The following CLCN3 variants were observed in gnomAD, a reference collection of about 807,000 sequenced individuals.
CLCN3 encodes the protein H(+)/Cl(-) exchange transporter 3.
A neutral mutation model predicts 83.4 loss-of-function variants in CLCN3; 16 were observed. The ratio of observed to expected loss-of-function variants is 0.19; its 90% CI spans 0.13 to 0.29. The LOEUF (loss-of-function observed/expected upper bound fraction) is 0.29, where lower values mean the gene tolerates loss of function less well. Among genes scored for constraint, CLCN3 ranks in the 10% least tolerant of loss-of-function variants. The probability of loss-of-function intolerance (pLI) is 1.00; values close to 1 mark genes in which losing one functional copy is unlikely to be tolerated. For synonymous variants in CLCN3, 322 were observed against 346.2 expected, an observed-to-expected ratio of 0.93 and a Z score of 0.78; for missense variants, 544 against 1,006.0, an observed-to-expected ratio of 0.54 and a Z score of 6.21.
At chr4:169,684,475 T>C (rs575640398) in intron 3 of CLCN3, among the ~76,000 whole-genome samples, 161 of 152,354 alleles carry the variant, frequency 1.1e-3, no homozygotes, top group African/African-American at 3.8e-3. Context: ...TTGATGTTCA[T>C]GTTATTTTAG....
intron 12 of CLCN3, chr4:169,717,749 A>G: frequency 7.7e-7 from 1 of 1,293,702 alleles, no homozygotes; most frequent in East Asian, 2.3e-5. Flanking sequence ...AACTCTTTTA[A>G]TTTAATTTCT....
chr4:169,716,377 G>T (rs1296080833), intron 12 of CLCN3, among the ~76,000 whole-genome samples: 3 of 152,054 alleles, frequency 2.0e-5, no homozygotes, highest in Non-Finnish European at 4.4e-5. Context: ...CAATATAGAT[G>T]ATACTAACTG....
intron 1 of CLCN3, among the ~76,000 whole-genome samples, chr4:169,631,106 G>C (rs920604697): frequency 4.6e-5 from 7 of 152,154 alleles, no homozygotes; most frequent in African/African-American, 9.7e-5. Flanking sequence ...AGCCTTGCCA[G>C]CATCTGTTGT....
At chr4:169,688,699 TAA>T (rs892947699) in intron 4 of CLCN3, among the ~76,000 whole-genome samples, 3 of 152,230 alleles carry the variant, frequency 2.0e-5, no homozygotes, top group Non-Finnish European at 2.9e-5. Flanking sequence ...ACATCATTTA[TAA>T]GTCTGTTAAT....
chr4:169,677,038 T>A (rs1731708866), intron 2 of CLCN3, among the ~76,000 whole-genome samples: 1 of 152,058 alleles, frequency 6.6e-6, no homozygotes, highest in Admixed American at 6.5e-5. Context: ...TCTTTCTTTT[T>A]AACAAATTAA....
intron 3 of CLCN3, 66 bp downstream of exon 3, chr4:169,680,273 C>T: frequency 8.8e-7 from 1 of 1,140,064 alleles, no homozygotes; most frequent in Non-Finnish European, 1.3e-6. Flanking sequence ...TAATATATTT[C>T]TGCCAATGAT....
intron 2 of CLCN3, among the ~76,000 whole-genome samples, chr4:169,657,874 A>G (rs1218559070): frequency 6.6e-6 from 1 of 152,140 alleles, no homozygotes; most frequent in Non-Finnish European, 1.5e-5. Flanking sequence ...TCAGTTTGTT[A>G]ATATGGTAAT....
Position 169,719,973 on chromosome 4 carries a change from C to T in CLCN3, c.2433C>T (p.Asp811=), listed in dbSNP as rs1331027286. 1.2e-5 allele frequency: 19 copies of T among 1,613,706 alleles called. No individual in the cohort carries two copies. The highest frequency in any genetic ancestry group is 1.4e-5 in the Non-Finnish European group (17 of 1,179,798). ...LRHMAQTANQ[D]PASIMFN ...ATATGGCCCAGACGGCAAACCAAGACCCCGCTTCAATAATGTTCAACTGAA... is the reference window on the plus strand; with the variant it reads ...ATATGGCCCAGACGGCAAACCAAGATCCCGCTTCAATAATGTTCAACTGAA... The change falls in exon 13 of 13, where the codon GAC becomes GAT. Residue 811 remains aspartate, a synonymous_variant. Transcript: ENST00000513761.
At chr4:169,706,644 AAT>A (rs1214889023) in intron 10 of CLCN3, among the ~76,000 whole-genome samples, 1 of 152,214 alleles carries the variant, frequency 6.6e-6, no homozygotes, top group Non-Finnish European at 1.5e-5. Context: ...ATGTTATTTT[AAT>A]AGTCTTCTCT....
intron 10 of CLCN3, among the ~76,000 whole-genome samples, chr4:169,706,518 A>G (rs1733000336): frequency 6.6e-6 from 1 of 152,230 alleles, no homozygotes; most frequent in Non-Finnish European, 1.5e-5. Flanking sequence ...TATAATTAGA[A>G]TAAGCTTTTA....
At position 169,635,958 on chromosome 4, in the gene CLCN3, C is replaced by CTA; in HGVS notation, c.31_32dup (p.Tyr12ThrfsTer9). ...AGTCTGAGCAGCTGTTCCATAGAGG[C>CTA]TACTATAGAAACAGCTACAACAGTA... On this transcript the variant is annotated frameshift_variant, in exon 2 of 13. Coordinates refer to ENST00000513761, the MANE Select transcript of CLCN3 (RefSeq NM_001829.4). LOFTEE classifies it high-confidence loss of function. 6.2e-7 allele frequency: 1 copy of CTA among 1,610,464 alleles called. No individual in the cohort carries two copies. The highest frequency in any genetic ancestry group is 8.5e-7 in the Non-Finnish European group (1 of 1,178,112).
intron 2 of CLCN3, among the ~76,000 whole-genome samples, chr4:169,651,412 G>A (rs536036484): frequency 2.0e-4 from 31 of 152,122 alleles, no homozygotes; most frequent in South Asian, 4.1e-4. Context: ...TGCTAAACCT[G>A]TAAAATCATA....
At chr4:169,626,579 A>G (rs1284912283) in intron 1 of CLCN3, among the ~76,000 whole-genome samples, 1 of 152,210 alleles carries the variant, frequency 6.6e-6, no homozygotes, top group Non-Finnish European at 1.5e-5. Context: ...CAGGCTGTGG[A>G]AGATTAGAGT....
At chr4:169,674,245 A>G (rs1053103372) in intron 2 of CLCN3, among the ~76,000 whole-genome samples, 6 of 152,158 alleles carry the variant, frequency 3.9e-5, no homozygotes, top group Non-Finnish European at 8.8e-5. Flanking sequence ...TATTTTGCAG[A>G]ATTTCCCTTA....
At chr4:169,648,358 T>G (rs1336154559) in intron 2 of CLCN3, among the ~76,000 whole-genome samples, 1 of 152,154 alleles carries the variant, frequency 6.6e-6, no homozygotes, top group African/African-American at 2.4e-5. Context: ...CTAAAATTAT[T>G]CCAAAATGAA....
At chr4:169,633,321 T>C (rs1172656667) in intron 1 of CLCN3, among the ~76,000 whole-genome samples, 1 of 152,222 alleles carries the variant, frequency 6.6e-6, no homozygotes, top group Non-Finnish European at 1.5e-5. Flanking sequence ...TATCTCTAAT[T>C]TTTATAATTT....
chr4:169,620,709 T>G lies in CLCN3; in HGVS notation c.-371T>G, dbSNP rs1169013653. ...TGGGTTGAAAGCCATCCTACTTTAC[T>G]CCCGAGTTAGAGCATGGATTCAGTT... On this transcript the variant is annotated 5_prime_UTR_variant, in exon 1 of 13. Coordinates refer to ENST00000513761, the MANE Select transcript of CLCN3 (RefSeq NM_001829.4). The G allele has an allele frequency of 5.0e-6, 2 of 398,542 alleles. No homozygotes were observed. Among genetic ancestry groups the G allele is most frequent in the African/African-American group, 4.1e-5 (2 of 48,630 alleles). 24.7% of individuals were successfully genotyped at this position (398,542 alleles called of 1,614,324 possible). A position where few individuals can be genotyped will look rare whatever the true frequency, so the allele number is the denominator to read the frequency against.
chr4:169,634,096 G>T (rs1773447264), intron 1 of CLCN3, among the ~76,000 whole-genome samples: 1 of 152,108 alleles, frequency 6.6e-6, no homozygotes, highest in African/African-American at 2.4e-5. Context: ...AAGGTATTAT[G>T]AAATTAATTT....
At chr4:169,635,802 A>T in intron 1 of CLCN3, 111 bp from the exon 2 acceptor site, 1 of 734,206 alleles carries the variant, frequency 1.4e-6, no homozygotes, top group Non-Finnish European at 2.0e-6. Context: ...TACAGTGAAT[A>T]CGCTTAATTT....
Sources: gnomAD v4.1 joint callset for allele counts (sites outside exome capture counted in the v4.1 genomes callset) on GRCh38, gnomAD v4.1.1 for gene constraint, MANE v1.5 for transcripts, NCBI Gene and HGNC (gene_info 2026-07-23, HGNC 2026-07-21) for gene names.